The following BLTP3B variants were observed in gnomAD, a reference collection of about 807,000 sequenced individuals.
The protein encoded by BLTP3B is bridge-like lipid transfer protein family member 3B.
chr12:100,131,868 C>A, the BLTP3B span, among the ~76,000 whole-genome samples: 1 of 152,196 alleles, frequency 6.6e-6, no homozygotes, highest in Admixed American at 6.5e-5. Context: ...CAGCTCACTG[C>A]AACCTCCGCC....
chr12:100,052,042 TAA>T, the BLTP3B span, among the ~76,000 whole-genome samples: 9 of 137,878 alleles, frequency 6.5e-5, no homozygotes, highest in Admixed American at 7.3e-5. Flanking sequence ...AGACCCCATC[TAA>T]AAAAAAAAAA....
chr12:100,045,805 G>C, the BLTP3B span, among the ~76,000 whole-genome samples: 17 of 152,144 alleles, frequency 1.1e-4, no homozygotes, highest in African/African-American at 4.1e-4. Context: ...TACAGAATGG[G>C]AGAAAATTTT....
At chr12:100,137,752 A>G in the BLTP3B span, among the ~76,000 whole-genome samples, 1 of 151,944 alleles carries the variant, frequency 6.6e-6, no homozygotes, top group African/African-American at 2.4e-5. Context: ...ATTAGTAGTC[A>G]CTCCTCACCC....
At chr12:100,095,024 A>G in the BLTP3B span, among the ~76,000 whole-genome samples, 3 of 152,206 alleles carry the variant, frequency 2.0e-5, no homozygotes, top group South Asian at 6.2e-4. Context: ...ATTCATTTAT[A>G]CTTTGCATAA....
the BLTP3B span, among the ~76,000 whole-genome samples, chr12:100,067,738 A>C: frequency 1.3e-4 from 20 of 152,286 alleles, no homozygotes; most frequent in African/African-American, 4.1e-4. Context: ...CTAAAAAAAA[A>C]CACAAAACTT....
the BLTP3B span, chr12:100,070,131 T>G: frequency 3.9e-6 from 6 of 1,550,242 alleles, no homozygotes; most frequent in Admixed American, 1.1e-4. Context: ...ATGTCTTCCT[T>G]CATCTATCTT....
the BLTP3B span, among the ~76,000 whole-genome samples, chr12:100,101,679 T>TCC: frequency 6.6e-6 from 1 of 152,338 alleles, no homozygotes; most frequent in Non-Finnish European, 1.5e-5. Context: ...TATGAAATGA[T>TCC]CCCCATACTT....
chr12:100,064,289 T>C, the BLTP3B span, among the ~76,000 whole-genome samples: 2 of 152,182 alleles, frequency 1.3e-5, no homozygotes, highest in South Asian at 4.1e-4. Flanking sequence ...TCTGGGATTA[T>C]GTTAAACAAC....
chr12:100,051,216 T>G, the BLTP3B span: 1 of 1,610,668 alleles, frequency 6.2e-7, no homozygotes, highest in Non-Finnish European at 8.5e-7. Flanking sequence ...GAGTTCTTTT[T>G]ATTTCCTGAA....
the BLTP3B span, chr12:100,083,127 G>C: frequency 6.2e-7 from 1 of 1,610,378 alleles, no homozygotes. Context: ...TCAGAGGGTA[G>C]TCCTTCTCTG....
chr12:100,055,677 CAAAA>C, the BLTP3B span, among the ~76,000 whole-genome samples: 1 of 83,370 alleles, frequency 1.2e-5, no homozygotes, highest in African/African-American at 3.6e-5. Flanking sequence ...AACTACATCT[CAAAA>C]AAAAAAAAAA....
At chr12:100,089,811 A>G in the BLTP3B span, among the ~76,000 whole-genome samples, 1 of 152,286 alleles carries the variant, frequency 6.6e-6, no homozygotes, top group Admixed American at 6.5e-5. Context: ...GTCCCCACCC[A>G]AATCTCATCT....
the BLTP3B span, among the ~76,000 whole-genome samples, chr12:100,140,729 A>AAAAAATATATATATATATAT: frequency 1.6e-5 from 1 of 61,506 alleles, no homozygotes; most frequent in African/African-American, 1.0e-4. Flanking sequence ...AAAAAAAAAA[A>AAAAAATATATATATATATAT]ATATATATAT....
At chr12:100,085,315 A>T in the BLTP3B span, among the ~76,000 whole-genome samples, 2 of 151,898 alleles carry the variant, frequency 1.3e-5, no homozygotes, top group African/African-American at 4.8e-5. Context: ...GTGAGCAGTG[A>T]TCACACCACT....
At chr12:100,047,236 A>G in the BLTP3B span, among the ~76,000 whole-genome samples, 1 of 152,284 alleles carries the variant, frequency 6.6e-6, no homozygotes, top group East Asian at 1.9e-4. Flanking sequence ...GGTGGCTCGC[A>G]CCTGTAATCC....
At chr12:100,118,384 C>T in the BLTP3B span, among the ~76,000 whole-genome samples, 51 of 151,064 alleles carry the variant, frequency 3.4e-4, no homozygotes, top group Admixed American at 1.5e-3. Flanking sequence ...TGAGTGAGAC[C>T]GTCTCAAAAC....
the BLTP3B span, chr12:100,103,001 G>A: frequency 2.8e-5 from 14 of 494,110 alleles, no homozygotes; most frequent in Middle Eastern, 5.5e-4. Flanking sequence ...CTCTCTACAG[G>A]TCTAAAAAGA....
At chr12:100,078,759 A>T in the BLTP3B span, among the ~76,000 whole-genome samples, 1 of 152,152 alleles carries the variant, frequency 6.6e-6, no homozygotes, top group Non-Finnish European at 1.5e-5. Context: ...TTATTATTAC[A>T]TCAGTGTACT....
the BLTP3B span, among the ~76,000 whole-genome samples, chr12:100,072,996 A>T: frequency 6.6e-6 from 1 of 152,232 alleles, no homozygotes; most frequent in African/African-American, 2.4e-5. Flanking sequence ...TCAACTATTC[A>T]GAAAACTCTA....
Sources: gnomAD v4.1 joint callset for allele counts (sites outside exome capture counted in the v4.1 genomes callset) on GRCh38, gnomAD v4.1.1 for gene constraint, MANE v1.5 for transcripts, NCBI Gene and HGNC (gene_info 2026-07-23, HGNC 2026-07-21) for gene names.